Variants in ABI2 observed in about 807,000 individuals in gnomAD.
ABI2 encodes the protein abelson interactor 2.
ABI2 carries 25 observed loss-of-function variants against 59.2 expected under a neutral mutation model. The observed-to-expected ratio is 0.42, with a 90% CI of 0.31 to 0.59. The LOEUF (loss-of-function observed/expected upper bound fraction) is 0.59. Ranked by LOEUF, ABI2 falls within the 20% of genes least tolerant of loss-of-function variation. ABI2 has a pLI of 0.14. For missense variants in ABI2, 545 were observed against 681.8 expected (o/e 0.80, Z 2.23); for synonymous variants, 213 against 235.5 (o/e 0.90, Z 0.87).
intron 9 of ABI2, 53 bp from the exon 10 acceptor site, chr2:203,411,228 CCTTT>C: frequency 7.9e-7 from 1 of 1,273,736 alleles, no homozygotes; most frequent in Non-Finnish European, 1.1e-6. Flanking sequence ...ATTATCCTTT[CCTTT>C]TAATGTAACT....
At chr2:203,427,139 C>T (rs756255462) in intron 11 of ABI2, 38 bp from the exon 12 acceptor site, 1 of 1,578,416 alleles carries the variant, frequency 6.3e-7, no homozygotes, top group Non-Finnish European at 8.7e-7. Context: ...AGGAATATTA[C>T]TGTCTTTCAC....
At chr2:203,348,916 T>G (rs1183607676) in intron 1 of ABI2, among the ~76,000 whole-genome samples, 1 of 152,000 alleles carries the variant, frequency 6.6e-6, no homozygotes, top group Non-Finnish European at 1.5e-5. Context: ...TGTTTTTTTT[T>G]GTTTTTTGTT....
rs938535360 is a variant in ABI2 at position 203,338,612 on chromosome 2, T to G, written c.117+9981T>G. On this transcript the variant is annotated intron_variant, in intron 1 of 11. Coordinates refer to ENST00000261018, the MANE Select transcript of ABI2 (RefSeq NM_001375670.1). ...TAAAGCCTGCAGAACCAAGAGCCGA[T>G]TAAACCTCTTTTCTTTATAAATTAC... Among the ~76,000 whole-genome samples, 4 of 151,990 alleles carry G rather than the reference T, an allele frequency of 2.6e-5. No individual in the cohort carries two copies. In the East Asian group the frequency reaches 7.7e-4, roughly 29 times the overall value.
At chr2:203,383,870 T>C (rs931820179) in intron 4 of ABI2, among the ~76,000 whole-genome samples, 2 of 152,182 alleles carry the variant, frequency 1.3e-5, no homozygotes, top group Non-Finnish European at 2.9e-5. Flanking sequence ...ACTTCTCTTT[T>C]TCTCTTTCTC....
intron 1 of ABI2, among the ~76,000 whole-genome samples, chr2:203,348,943 TG>T (rs1001498089): frequency 6.6e-6 from 1 of 152,122 alleles, no homozygotes; most frequent in African/African-American, 2.4e-5. Flanking sequence ...TTTGTTTGTT[TG>T]TTTTTGAGAC....
intron 9 of ABI2, among the ~76,000 whole-genome samples, chr2:203,409,195 TATC>T (rs1230030122): frequency 1.3e-5 from 2 of 152,172 alleles, no homozygotes; most frequent in Non-Finnish European, 2.9e-5. Flanking sequence ...ATTATGAACA[TATC>T]AACAGTTGTT....
chr2:203,412,619 T>G (rs1323814479), intron 10 of ABI2, among the ~76,000 whole-genome samples: 2 of 23,506 alleles, frequency 8.5e-5, no homozygotes, highest in Non-Finnish European at 8.6e-4. Context: ...ATAATTAGGT[T>G]GATTTCATAT....
At chr2:203,405,034 A>T (rs2097369367) in intron 9 of ABI2, among the ~76,000 whole-genome samples, 1 of 152,242 alleles carries the variant, frequency 6.6e-6, no homozygotes, top group Non-Finnish European at 1.5e-5. Context: ...TATATGTTAA[A>T]GTAAAAAGAT....
chr2:203,382,473 A>G lies in ABI2; in HGVS notation c.480+267A>G, dbSNP rs369669757. Reference sequence around the variant, plus strand: ...TGCTTAGTAAATATTTGTTGAATGAATGGTTATTTTGTAATGTTAATATAT... The same window carrying G: ...TGCTTAGTAAATATTTGTTGAATGAGTGGTTATTTTGTAATGTTAATATAT... On this transcript the variant is annotated intron_variant, in intron 4 of 11. Transcript: ENST00000261018. Among the ~76,000 whole-genome samples the G allele has an allele frequency of 3.3e-5, 5 of 152,294 alleles. No homozygotes were observed. The East Asian group carries it at 5.8e-4, about 18-fold the overall frequency.
At chr2:203,331,435 T>C (rs571651211) in intron 1 of ABI2, among the ~76,000 whole-genome samples, 20 of 145,382 alleles carry the variant, frequency 1.4e-4, no homozygotes, top group South Asian at 9.2e-4. Context: ...CTCTGCTCAC[T>C]GCAACCTCCG....
At chr2:203,338,944 A>ATATATATATATATT (rs2077941694) in intron 1 of ABI2, among the ~76,000 whole-genome samples, 1 of 7,848 alleles carries the variant, frequency 1.3e-4, no homozygotes, top group African/African-American at 2.2e-4. Flanking sequence ...GTATATATAT[A>ATATATATATATATT]TATATATATA....
chr2:203,404,453 G>C (rs1313010220), intron 9 of ABI2, among the ~76,000 whole-genome samples: 1 of 152,116 alleles, frequency 6.6e-6, no homozygotes, highest in Non-Finnish European at 1.5e-5. Context: ...CTTAAATTTT[G>C]ACAAAACTGC....
intron 2 of ABI2, among the ~76,000 whole-genome samples, chr2:203,372,908 G>A (rs1272942637): frequency 6.6e-6 from 1 of 152,014 alleles, no homozygotes; most frequent in East Asian, 1.9e-4. Context: ...GGCGATGGGC[G>A]GCTGGGCAGA....
chr2:203,386,866 C>G (rs867409661), intron 4 of ABI2, among the ~76,000 whole-genome samples: 1 of 151,908 alleles, frequency 6.6e-6, no homozygotes, highest in African/African-American at 2.4e-5. Context: ...CTCTGAACTC[C>G]TGGCCTCAGG....
chr2:203,392,201 A>G (rs1348892730), intron 5 of ABI2, among the ~76,000 whole-genome samples: 1 of 152,136 alleles, frequency 6.6e-6, no homozygotes, highest in Non-Finnish European at 1.5e-5. Flanking sequence ...TTTGACAACC[A>G]TTGGCTTTAT....
chr2:203,406,280 A>G (rs1194493535), intron 9 of ABI2, among the ~76,000 whole-genome samples: 1 of 152,246 alleles, frequency 6.6e-6, no homozygotes, highest in Non-Finnish European at 1.5e-5. Context: ...GTAATGTAGC[A>G]TGTAAGTATT....
intron 5 of ABI2, among the ~76,000 whole-genome samples, chr2:203,391,435 G>A (rs1469081941): frequency 2.6e-5 from 4 of 152,160 alleles, no homozygotes; most frequent in Admixed American, 1.3e-4. Context: ...TTCAGAAAAT[G>A]TATATAGTCT....
At chr2:203,394,930 C>G in intron 6 of ABI2, 84 bp downstream of exon 6, 1 of 1,468,044 alleles carries the variant, frequency 6.8e-7, no homozygotes, top group Admixed American at 1.7e-5. Context: ...TCTCATTTTC[C>G]AAGCACTAAG....
intron 8 of ABI2, among the ~76,000 whole-genome samples, chr2:203,398,445 T>A (rs1165387020): frequency 6.6e-6 from 1 of 152,240 alleles, no homozygotes; most frequent in East Asian, 1.9e-4. Context: ...GATAATTAAC[T>A]GTGGTTTTTA....
Sources: allele counts gnomAD v4.1 joint callset (sites outside exome capture counted in the v4.1 genomes callset), GRCh38; gene constraint gnomAD v4.1.1; transcripts MANE v1.5; gene names NCBI Gene and HGNC (gene_info 2026-07-23, HGNC 2026-07-21).